The following DTX1 variants were observed in gnomAD, a reference collection of about 807,000 sequenced individuals.
DTX1 encodes E3 ubiquitin-protein ligase DTX1.
DTX1 carries 26 observed loss-of-function variants against 57.8 expected under a neutral mutation model. The observed-to-expected ratio is 0.45, with a 90% CI of 0.33 to 0.62. The LOEUF is 0.62. DTX1 is among the 20% of genes least tolerant of loss of function. The pLI, the probability that DTX1 is intolerant of heterozygous loss-of-function variation, is 0.02. For synonymous variants in DTX1, 398 were observed against 394.1 expected, an observed-to-expected ratio of 1.01 and a Z score of -0.12; for missense variants, 704 against 895.3, an observed-to-expected ratio of 0.79 and a Z score of 2.73.
rs760552377 is a variant in DTX1 at position 113,095,429 on chromosome 12, G to A, written c.1638+15G>A. The A allele has an allele frequency of 1.9e-5, 31 of 1,613,920 alleles. No individual in the cohort carries two copies. The highest frequency in any genetic ancestry group is 1.6e-4 in the East Asian group (7 of 44,900). Reference sequence around the variant, plus strand: ...AAGGCCGGAAGGTGGGTGCCCAGCCGTGAGGGCATGGGAGATAGGCACAGG... The same window carrying A: ...AAGGCCGGAAGGTGGGTGCCCAGCCATGAGGGCATGGGAGATAGGCACAGG... On this transcript the variant is annotated intron_variant, in intron 9 of 9. Transcript: ENST00000548759.
chr12:113,094,591 AAAAT>A (rs993228480), intron 6 of DTX1, among the ~76,000 whole-genome samples, 194 bp from the exon 7 acceptor site: 3 of 150,704 alleles, frequency 2.0e-5, no homozygotes, highest in Admixed American at 6.6e-5. Context: ...ATAAATAAAT[AAAAT>A]AAATAAAATA....
intron 2 of DTX1, among the ~76,000 whole-genome samples, chr12:113,063,631 G>T (rs1406733734): frequency 1.3e-5 from 2 of 152,258 alleles, no homozygotes; most frequent in Non-Finnish European, 2.9e-5. Flanking sequence ...CATACCCGAG[G>T]CTGCAAGCCT....
Position 113,077,704 on chromosome 12 carries a change from C to G in DTX1, c.540C>G (p.Thr180=). The part of the protein sequence containing the change: ...RRRLDLAYPL[T]VGSIPKSQSW... The stretch of plus-strand genomic sequence containing the variant: ...GCCTGGACCTCGCCTACCCGCTCAC[C>G]GTGGGCTCCATCCCTAAGTCGCAGT... Residue 180 remains threonine, a synonymous_variant, in exon 3 of 10, where the codon ACC becomes ACG. Transcript: ENST00000548759. The surrounding 1 kb of genome is among the most constrained non-coding windows in gnomAD (Gnocchi z 7.8). 2 of 1,544,710 alleles carry G rather than the reference C, an allele frequency of 1.3e-6. No homozygotes were observed. Among genetic ancestry groups the G allele is most frequent in the Non-Finnish European group, 1.7e-6 (2 of 1,150,204 alleles).
chr12:113,077,344 T>C lies in DTX1; in HGVS notation c.260-80T>C, dbSNP rs1464721967. The C allele has an allele frequency of 2.3e-5, 17 of 751,606 alleles. No individual in the cohort carries two copies. Among genetic ancestry groups the C allele is most frequent in the East Asian group, 5.0e-5 (1 of 19,850 alleles). 46.6% of individuals were successfully genotyped at this position (751,606 alleles called of 1,614,324 possible). On this transcript the variant is annotated intron_variant, in intron 2 of 9. Transcript: ENST00000548759. The surrounding 1 kb of genome is among the most constrained non-coding windows in gnomAD (Gnocchi z 7.8). The stretch of plus-strand genomic sequence containing the variant: ...TGACCCCCCAACCTCCCGCCCACCC[T>C]TGCCTGGCTGTGGCCCGCCCTTCCA...
At chr12:113,083,646 G>A (rs1205351731) in intron 3 of DTX1, among the ~76,000 whole-genome samples, 1 of 152,142 alleles carries the variant, frequency 6.6e-6, no homozygotes, top group Non-Finnish European at 1.5e-5. Context: ...TAATTTTAAT[G>A]GCAAAAACCA....
chr12:113,094,966 T>G lies in DTX1; in HGVS notation c.1386+19T>G, dbSNP rs760730807. The G allele has an allele frequency of 2.5e-5, 40 of 1,609,070 alleles. No individual in the cohort carries two copies. The highest frequency in any genetic ancestry group is 6.7e-5 in the Admixed American group (4 of 59,898). ...CAACAAGGTGGGTTGGGCGGGACAA[T>G]GGCTGAGGAGTGGGCAGGGAACGGA... On this transcript the variant is annotated intron_variant, in intron 7 of 9. Transcript: ENST00000548759.
chr12:113,084,168 G>A (rs936128885), intron 3 of DTX1, among the ~76,000 whole-genome samples: 9 of 152,216 alleles, frequency 5.9e-5, no homozygotes, highest in African/African-American at 2.2e-4. Context: ...AGACAGGGCG[G>A]GGAGCCAGCT....
At position 113,069,091 on chromosome 12, in the gene DTX1, G is replaced by A. The variant is rs572418095; in HGVS notation, c.260-8333G>A. On this transcript the variant is annotated intron_variant, in intron 2 of 9. Coordinates refer to ENST00000548759, the MANE Select transcript of DTX1 (RefSeq NM_004416.3). ...TGGCTGAAGAGTTGACTTACACGAA[G>A]CATTTAGAACAGCGCCTGGCACATA... is the stretch of plus-strand genomic sequence containing the variant. 2.6e-5 allele frequency among the ~76,000 whole-genome samples: 4 copies of A among 152,296 alleles called. No homozygotes were observed. The South Asian group carries it at 8.3e-4, about 32-fold the overall frequency.
In DTX1 at chr12:113,077,515, A is replaced by G. The variant is rs775410588; in HGVS notation, c.351A>G (p.Ala117=). ...GGGAGTGGGAGAACGACGGCGGCGC[A>G]TGGACGGCCTACGATATGGACATCT... is the stretch of plus-strand genomic sequence containing the variant. The part of the protein sequence containing the change: ...IVWEWENDGG[A]WTAYDMDICI... Residue 117 remains alanine, a synonymous_variant, in exon 3 of 10, where the codon GCA becomes GCG. Coordinates refer to ENST00000548759, the MANE Select transcript of DTX1 (RefSeq NM_004416.3). The surrounding 1 kb of genome is among the most constrained non-coding windows in gnomAD (Gnocchi z 7.8). 1 of 1,609,736 alleles carries G rather than the reference A, an allele frequency of 6.2e-7. No individual in the cohort carries two copies. Among genetic ancestry groups the G allele is most frequent in the South Asian group, 1.1e-5 (1 of 91,074 alleles).
At chr12:113,096,279 G>A (rs1385138717) in intron 9 of DTX1, among the ~76,000 whole-genome samples, 6 of 151,038 alleles carry the variant, frequency 4.0e-5, no homozygotes, top group African/African-American at 1.2e-4. Context: ...CGAGGTGGGA[G>A]GATCACTTGA....
chr12:113,058,099 C>T lies in DTX1; in HGVS notation c.-94C>T. ...GGAGGCCAGACGGTCCTTGCTGTCC[C>T]CCTGGGGAGAGAGGAAGTTGCCGCC... On this transcript the variant is annotated 5_prime_UTR_variant, in exon 2 of 10. Transcript: ENST00000548759. 6.9e-7 allele frequency: 1 copy of T among 1,457,900 alleles called. No homozygotes were observed. Among genetic ancestry groups the T allele is most frequent in the Non-Finnish European group, 9.0e-7 (1 of 1,105,976 alleles). The allele number at this position is 1,457,900 out of a possible 1,614,324, so 90.3% of individuals were successfully genotyped here.
chr12:113,073,620 G>C (rs983934830), intron 2 of DTX1, among the ~76,000 whole-genome samples: 1 of 152,200 alleles, frequency 6.6e-6, no homozygotes, highest in African/African-American at 2.4e-5. Context: ...CAGTTGGCAG[G>C]GCACAAGGCT....
At chr12:113,081,367 G>C (rs1203733178) in intron 3 of DTX1, among the ~76,000 whole-genome samples, 1 of 152,174 alleles carries the variant, frequency 6.6e-6, no homozygotes, top group African/African-American at 2.4e-5. Flanking sequence ...GAAAGCTACT[G>C]TTCTAGAGGA....
At position 113,093,985 on chromosome 12, in the gene DTX1, C is replaced by T. The variant is rs1473332409; in HGVS notation, c.1166-53C>T. On this transcript the variant is annotated intron_variant, in intron 5 of 9. Coordinates refer to ENST00000548759, the MANE Select transcript of DTX1 (RefSeq NM_004416.3). The surrounding 1 kb of genome is among the most constrained non-coding windows in gnomAD (Gnocchi z 4.2). Reference sequence around the variant, plus strand: ...CCCCTGACCCAGTTCTGAGCCAAGCCTTCGGGGACAGACTCTGGGTACCCT... The same window carrying T: ...CCCCTGACCCAGTTCTGAGCCAAGCTTTCGGGGACAGACTCTGGGTACCCT... 7 of 1,555,868 alleles carry T rather than the reference C, an allele frequency of 4.5e-6. No individual in the cohort carries two copies. The highest frequency in any genetic ancestry group is 5.2e-6 in the Non-Finnish European group (6 of 1,148,098).
intron 2 of DTX1, among the ~76,000 whole-genome samples, chr12:113,064,003 A>G (rs1488100864): frequency 6.6e-6 from 1 of 152,134 alleles, no homozygotes; most frequent in Admixed American, 6.5e-5. Flanking sequence ...GTGACATTTA[A>G]TGCCAGGGCT....
chr12:113,090,573 T>TCCTGGGGGA (rs1388830162), intron 3 of DTX1, among the ~76,000 whole-genome samples: 1 of 152,216 alleles, frequency 6.6e-6, no homozygotes, highest in Non-Finnish European at 1.5e-5. Flanking sequence ...ACTGACCAGG[T>TCCTGGGGGA]CCTGGGGGAC....
At chr12:113,063,266 C>T (rs1012219568) in intron 2 of DTX1, among the ~76,000 whole-genome samples, 10 of 152,144 alleles carry the variant, frequency 6.6e-5, no homozygotes, top group African/African-American at 1.9e-4. Flanking sequence ...CACTGGCAGT[C>T]GGGGAAAGGT....
Position 113,068,246 on chromosome 12 carries a change from C to A in DTX1, c.260-9178C>A, listed in dbSNP as rs2044717474. 2.0e-5 allele frequency among the ~76,000 whole-genome samples: 3 copies of A among 152,312 alleles called. 1 individual carries two copies. In the South Asian group the frequency reaches 6.2e-4, roughly 32 times the overall value. On this transcript the variant is annotated intron_variant, in intron 2 of 9. Transcript: ENST00000548759. ...AGGACCTACCTCCCTGCACTCCTGA[C>A]CACAGAGGGATGCCAAGGTGACTGT...
intron 2 of DTX1, among the ~76,000 whole-genome samples, chr12:113,061,972 C>T (rs1023976432): frequency 5.3e-5 from 8 of 151,858 alleles, no homozygotes; most frequent in Non-Finnish European, 8.8e-5. Flanking sequence ...TCCCAAAGTG[C>T]TGGGATTACA....
Sources: allele counts gnomAD v4.1 joint callset (sites outside exome capture counted in the v4.1 genomes callset), GRCh38; gene constraint gnomAD v4.1.1; non-coding constraint Gnocchi (gnomAD v3.1); transcripts MANE v1.5; gene names NCBI Gene and HGNC (gene_info 2026-07-23, HGNC 2026-07-21).